CEP63: variants seen among roughly 807,000 people sequenced by gnomAD.
CEP63 encodes the protein centrosomal protein of 63 kDa.
CEP63 carries 84 observed loss-of-function variants against 89.1 expected under a neutral mutation model. The ratio of observed to expected loss-of-function variants is 0.94; its 90% CI spans 0.79 to 1.13. The LOEUF (loss-of-function observed/expected upper bound fraction) is 1.13, where lower values mean the gene tolerates loss of function less well. Ranked by LOEUF, CEP63 falls within the 50% of genes most tolerant of loss-of-function variation. The pLI is 0.00. For synonymous variants in CEP63, 267 were observed against 272.5 expected, an observed-to-expected ratio of 0.98 and a Z score of 0.20; for missense variants, 838 against 813.3, an observed-to-expected ratio of 1.03 and a Z score of -0.37.
the CEP63 span, among the ~76,000 whole-genome samples, chr3:134,640,196 C>T: frequency 6.8e-6 from 1 of 147,072 alleles, no homozygotes; most frequent in Non-Finnish European, 1.5e-5. Flanking sequence ...ACTGAAATCT[C>T]AGACTGCACA....
chr3:134,699,787 C>T, the CEP63 span, among the ~76,000 whole-genome samples: 1 of 152,246 alleles, frequency 6.6e-6, no homozygotes, highest in African/African-American at 2.4e-5. Context: ...GCAGACTTGT[C>T]ATGCTTGACA....
chr3:134,486,658 T>C (rs1170627715), intron 1 of CEP63: 6 of 540,356 alleles, frequency 1.1e-5, no homozygotes, highest in African/African-American at 2.1e-5. Flanking sequence ...GGCTGCTGTC[T>C]AGCTAGCGCT....
chr3:134,686,404 G>T, the CEP63 span, among the ~76,000 whole-genome samples: 1 of 152,206 alleles, frequency 6.6e-6, no homozygotes, highest in Non-Finnish European at 1.5e-5. Flanking sequence ...GGGCTGGAGA[G>T]CTCAGGTGAC....
intron 11 of CEP63, among the ~76,000 whole-genome samples, chr3:134,551,164 T>C (rs778225755): frequency 6.6e-6 from 1 of 152,070 alleles, no homozygotes; most frequent in Non-Finnish European, 1.5e-5. Flanking sequence ...GAATAAAGGC[T>C]GGAATTTTGT....
chr3:134,517,076 T>A (rs1043684436), intron 3 of CEP63, among the ~76,000 whole-genome samples: 2 of 152,178 alleles, frequency 1.3e-5, no homozygotes. Flanking sequence ...GGATTCCCAG[T>A]GGAATTCATC....
At chr3:134,734,846 T>G in the CEP63 span, among the ~76,000 whole-genome samples, 2 of 152,188 alleles carry the variant, frequency 1.3e-5, no homozygotes, top group Non-Finnish European at 2.9e-5. Context: ...ACTCCATTTG[T>G]AGTATATACA....
At position 134,529,216 on chromosome 3, in the gene CEP63, C is replaced by T. The variant is rs528675270; in HGVS notation, c.223-2629C>T. 1.2e-3 allele frequency among the ~76,000 whole-genome samples: 183 copies of T among 152,086 alleles called. 2 individuals carry two copies. Among genetic ancestry groups the T allele is most frequent in the South Asian group, 4.4e-3 (21 of 4,822 alleles). On this transcript the variant is annotated intron_variant, in intron 3 of 14. Coordinates refer to ENST00000675561, the MANE Select transcript of CEP63 (RefSeq NM_001353108.3). The stretch of plus-strand genomic sequence containing the variant: ...ATTTTTCATGTTAACTATTTTAATA[C>T]AGCTTAATGTTTGCATATTTTATTA...
intron 3 of CEP63, among the ~76,000 whole-genome samples, chr3:134,530,209 C>T (rs568006407): frequency 1.3e-5 from 2 of 152,294 alleles, no homozygotes; most frequent in East Asian, 3.9e-4. Flanking sequence ...AATATCGACT[C>T]CCACATTGCT....
the CEP63 span, among the ~76,000 whole-genome samples, chr3:134,701,305 CGT>C: frequency 2.6e-4 from 17 of 64,950 alleles, no homozygotes; most frequent in Admixed American, 5.6e-4. Context: ...TGTATATATA[CGT>C]ATATATGTGT....
intron 1 of CEP63, among the ~76,000 whole-genome samples, chr3:134,493,856 A>G (rs1938629748): frequency 6.6e-6 from 1 of 152,204 alleles, no homozygotes; most frequent in Non-Finnish European, 1.5e-5. Context: ...ACAGCAGTAT[A>G]ATTTTTAGAT....
At chr3:134,766,044 A>G in the CEP63 span, among the ~76,000 whole-genome samples, 1 of 152,206 alleles carries the variant, frequency 6.6e-6, no homozygotes, top group African/African-American at 2.4e-5. Context: ...TTCCAAATAT[A>G]TTTATCAACA....
At chr3:134,759,039 G>T in the CEP63 span, among the ~76,000 whole-genome samples, 3 of 152,186 alleles carry the variant, frequency 2.0e-5, no homozygotes, top group African/African-American at 7.2e-5. Context: ...AGCAGAAGAA[G>T]GGACCAAAAG....
chr3:134,780,678 T>C, the CEP63 span: 1 of 152,260 alleles, frequency 6.6e-6, no homozygotes, highest in African/African-American at 2.4e-5. Context: ...AAATTCTTTA[T>C]ATATTCTAGA....
chr3:134,707,962 C>T, the CEP63 span, among the ~76,000 whole-genome samples: 1 of 152,092 alleles, frequency 6.6e-6, no homozygotes, highest in Non-Finnish European at 1.5e-5. Context: ...CACGGTCTTT[C>T]ACTGATTGGG....
intron 1 of CEP63, among the ~76,000 whole-genome samples, chr3:134,494,394 C>T (rs746195563): frequency 2.6e-5 from 4 of 151,932 alleles, no homozygotes; most frequent in Admixed American, 6.6e-5. Flanking sequence ...GGATTACAGG[C>T]GTGAGCCACC....
At chr3:134,767,141 G>A in the CEP63 span, among the ~76,000 whole-genome samples, 1 of 152,176 alleles carries the variant, frequency 6.6e-6, no homozygotes, top group Non-Finnish European at 1.5e-5. Flanking sequence ...GTGAAGAGAC[G>A]CTGGCTGTTG....
At chr3:134,537,353 T>C (rs1000260841) in intron 6 of CEP63, 85 bp downstream of exon 6, 1 of 864,740 alleles carries the variant, frequency 1.2e-6, no homozygotes, top group Admixed American at 1.9e-5. Flanking sequence ...CCTAGTACCA[T>C]TTAGCCTCTT....
At chr3:134,608,649 C>G in the CEP63 span, 1 of 1,614,026 alleles carries the variant, frequency 6.2e-7, no homozygotes, top group Non-Finnish European at 8.5e-7. Flanking sequence ...CCGGGCTCAC[C>G]TGTTCTGATC....
At chr3:134,690,668 G>C in the CEP63 span, among the ~76,000 whole-genome samples, 3 of 151,492 alleles carry the variant, frequency 2.0e-5, no homozygotes, top group African/African-American at 7.3e-5. Flanking sequence ...TTAAAAATTA[G>C]TGAGAATGCC....
Sources: allele counts gnomAD v4.1 joint callset (sites outside exome capture counted in the v4.1 genomes callset), GRCh38; gene constraint gnomAD v4.1.1; transcripts MANE v1.5; gene names NCBI Gene and HGNC (gene_info 2026-07-23, HGNC 2026-07-21).